ACVR2B: variants seen among roughly 807,000 people sequenced by gnomAD.
ACVR2B encodes activin A receptor type 2B, also known as activin receptor type-2B.
In ACVR2B, 18 loss-of-function variants were observed where a neutral mutation model predicts 65.1. The ratio of observed to expected loss-of-function variants is 0.28; its 90% CI spans 0.19 to 0.41. The LOEUF (loss-of-function observed/expected upper bound fraction) is 0.41. Among genes scored for constraint, ACVR2B ranks in the 10% least tolerant of loss-of-function variants. The pLI, the probability that ACVR2B is intolerant of heterozygous loss-of-function variation, is 1.00. For missense variants in ACVR2B, 482 were observed against 682.7 expected, an observed-to-expected ratio of 0.71 and a Z score of 3.28; for synonymous variants, 298 against 277.7, an observed-to-expected ratio of 1.07 and a Z score of -0.73.
intron 1 of ACVR2B, among the ~76,000 whole-genome samples, chr3:38,460,832 C>T (rs1452137471): frequency 2.0e-5 from 3 of 152,180 alleles, no homozygotes; most frequent in Non-Finnish European, 2.9e-5. Flanking sequence ...GTTCCTCTGC[C>T]GACTATTTCA....
rs1422097495 is a variant in ACVR2B, at chr3:38,484,474, C to G, written c.*1142C>G. The G allele has an allele frequency of 1.2e-4, 18 of 152,214 alleles. No individual in the cohort carries two copies. Among genetic ancestry groups the G allele is most frequent in the Admixed American group, 1.2e-3 (18 of 15,282 alleles). The allele number at this position is 152,214 out of a possible 1,614,324, so 9.4% of individuals were successfully genotyped here. A position where few individuals can be genotyped will look rare whatever the true frequency, so the allele number is the denominator to read the frequency against. ...CAGAGTCCTGCACCTCTGGTTCCGC[C>G]CCAGGTGGTGACATTACTGTCCCCG... On this transcript the variant is annotated 3_prime_UTR_variant, in exon 11 of 11. Coordinates refer to ENST00000352511, the MANE Select transcript of ACVR2B (RefSeq NM_001106.4).
chr3:38,486,752 T>C lies in ACVR2B; in HGVS notation c.*3420T>C, dbSNP rs1288710260. 5 of 152,388 alleles carry C rather than the reference T, an allele frequency of 3.3e-5. No homozygotes were observed. Among genetic ancestry groups the C allele is most frequent in the African/African-American group, 1.2e-4 (5 of 41,580 alleles). 9.4% of individuals were successfully genotyped at this position (152,388 alleles called of 1,614,324 possible). A position where few individuals can be genotyped will look rare whatever the true frequency, so the allele number is the denominator to read the frequency against. On this transcript the variant is annotated 3_prime_UTR_variant, in exon 11 of 11. Transcript: ENST00000352511. ...TGTCATCCAAGCAGGCTCCTGGCTG[T>C]AGGGATGGGCCTTGGGGAAGAATCT... is the stretch of plus-strand genomic sequence containing the variant.
At chr3:38,460,006 G>A (rs9815254) in intron 1 of ACVR2B, among the ~76,000 whole-genome samples, 1 of 152,186 alleles carries the variant, frequency 6.6e-6, no homozygotes, top group South Asian at 2.1e-4. Context: ...TTGCTGCACT[G>A]GGAAGTGATT....
chr3:38,482,423 C>T lies in ACVR2B; in HGVS notation c.1214-7C>T, dbSNP rs1710033950. ...AGTGATCCTGCCAGGCTCTCTCTTT[C>T]TCCTAGGACCCGTGGATGAGTACAT... On this transcript the variant is annotated splice_polypyrimidine_tract_variant and splice_region_variant and intron_variant, in intron 9 of 10. Transcript: ENST00000352511. 1.2e-6 allele frequency: 2 copies of T among 1,612,012 alleles called. No individual in the cohort carries two copies. The highest frequency in any genetic ancestry group is 1.7e-6 in the Non-Finnish European group (2 of 1,179,682).
chr3:38,458,147 C>G (rs1709581510), intron 1 of ACVR2B, among the ~76,000 whole-genome samples: 1 of 152,162 alleles, frequency 6.6e-6, no homozygotes, highest in African/African-American at 2.4e-5. Flanking sequence ...TGGGCCTCTA[C>G]TGTGTACTAC....
chr3:38,462,217 A>G (rs1709660424), intron 1 of ACVR2B, among the ~76,000 whole-genome samples: 1 of 152,110 alleles, frequency 6.6e-6, no homozygotes, highest in Non-Finnish European at 1.5e-5. Context: ...AAATAAACAA[A>G]CAAATAAATA....
chr3:38,459,596 C>T (rs1018357165), intron 1 of ACVR2B: 2 of 985,456 alleles, frequency 2.0e-6, no homozygotes, highest in East Asian at 1.1e-4. Flanking sequence ...CCTGAGTGGA[C>T]CTGCCATGTG....
chr3:38,472,513 T>C (rs768217780), intron 1 of ACVR2B, among the ~76,000 whole-genome samples: 3 of 151,986 alleles, frequency 2.0e-5, no homozygotes, highest in Admixed American at 6.5e-5. Context: ...CAGACCTAGA[T>C]AGATGTAGTG....
Position 38,483,458 on chromosome 3 carries a change from A to T in ACVR2B, c.*126A>T. ...AAAATGCAGCTGCTATTTTACCTTG[A>T]CTTTTTATTATTATTATTATAATTA... is the stretch of plus-strand genomic sequence containing the variant. On this transcript the variant is annotated 3_prime_UTR_variant, in exon 11 of 11. Transcript: ENST00000352511. This position sits in a 1 kb window ranked among gnomAD's most constrained non-coding sequence, Gnocchi z 4.8. 1 of 584,398 alleles carries T rather than the reference A, an allele frequency of 1.7e-6. No individual in the cohort carries two copies. Among genetic ancestry groups the T allele is most frequent in the South Asian group, 2.5e-5 (1 of 40,226 alleles). 36.2% of individuals were successfully genotyped at this position (584,398 alleles called of 1,614,324 possible).
chr3:38,483,822 CCTT>C lies in ACVR2B; in HGVS notation c.*493_*495del, dbSNP rs1710066117. On this transcript the variant is annotated 3_prime_UTR_variant, in exon 11 of 11. Coordinates refer to ENST00000352511, the MANE Select transcript of ACVR2B (RefSeq NM_001106.4). This position sits in a 1 kb window ranked among gnomAD's most constrained non-coding sequence, Gnocchi z 4.8. The stretch of plus-strand genomic sequence containing the variant: ...AAGAGGAGTTTCCTCTGCCCTCTGC[CCTT>C]CTCCCCTGCCTCCCTCCCTCCCCTC... The C allele has an allele frequency of 6.5e-6, 1 of 154,034 alleles. No homozygotes were observed. Among genetic ancestry groups the C allele is most frequent in the African/African-American group, 2.4e-5 (1 of 41,452 alleles). 9.5% of individuals were successfully genotyped at this position (154,034 alleles called of 1,614,324 possible). A position where few individuals can be genotyped will look rare whatever the true frequency, so the allele number is the denominator to read the frequency against.
At chr3:38,473,196 CCTTTGGAGG>C (rs1709849076) in intron 1 of ACVR2B, among the ~76,000 whole-genome samples, 1 of 152,134 alleles carries the variant, frequency 6.6e-6, no homozygotes. Flanking sequence ...ATTTCAGCTT[CCTTTGGAGG>C]CCAGCAGTTG....
At chr3:38,454,485 C>T (rs1709508203) in intron 1 of ACVR2B, 111 bp downstream of exon 1, 5 of 996,586 alleles carry the variant, frequency 5.0e-6, no homozygotes, top group Non-Finnish European at 6.4e-6. Context: ...CGCCGCACCA[C>T]CTGTATTCAG....
rs1472189739 is a variant in ACVR2B at position 38,477,065 on chromosome 3, C to T, written c.53-222C>T. ...TAGGCCTAGGGGCAGCTGTGATGGG[C>T]TGCAGAATGAGGTGGGGGCTGGTGC... On this transcript the variant is annotated intron_variant, in intron 1 of 10. Coordinates refer to ENST00000352511, the MANE Select transcript of ACVR2B (RefSeq NM_001106.4). The surrounding 1 kb of genome is among the most constrained non-coding windows in gnomAD (Gnocchi z 6.7). 1.7e-6 allele frequency: 1 copy of T among 604,614 alleles called. No individual in the cohort carries two copies. Among genetic ancestry groups the T allele is most frequent in the Non-Finnish European group, 2.9e-6 (1 of 339,966 alleles). 37.5% of individuals were successfully genotyped at this position (604,614 alleles called of 1,614,324 possible).
At position 38,481,363 on chromosome 3, in the gene ACVR2B, T is replaced by C; in HGVS notation, c.972T>C (p.Ser324=). 1 of 1,613,972 alleles carries C rather than the reference T, an allele frequency of 6.2e-7. No homozygotes were observed. Among genetic ancestry groups the C allele is most frequent in the South Asian group, 1.1e-5 (1 of 91,086 alleles). The part of the protein sequence containing the change: ...KPSIAHRDFK[S]KNVLLKSDLT... ...CTTGTTTCCACAGGGACTTTAAAAG[T>C]AAGAATGTATTGCTGAAGAGCGACC... The change falls in exon 8 of 11, where the codon AGT becomes AGC. Residue 324 remains serine (S), a synonymous_variant. Coordinates refer to ENST00000352511, the MANE Select transcript of ACVR2B (RefSeq NM_001106.4). The surrounding 1 kb of genome is among the most constrained non-coding windows in gnomAD (Gnocchi z 4.7).
intron 1 of ACVR2B, among the ~76,000 whole-genome samples, chr3:38,463,646 G>T (rs999223358): frequency 5.3e-5 from 8 of 152,140 alleles, no homozygotes; most frequent in African/African-American, 1.2e-4. Flanking sequence ...CACTTGTCAG[G>T]CCCTGCTAAT....
intron 1 of ACVR2B, among the ~76,000 whole-genome samples, chr3:38,463,149 G>A (rs1431074376): frequency 2.0e-5 from 3 of 152,192 alleles, no homozygotes; most frequent in Admixed American, 2.0e-4. Flanking sequence ...CTGTGCTGAT[G>A]AGGGAGGTAG....
At position 38,492,726 on chromosome 3, in the gene ACVR2B, T is replaced by C. The variant is rs1285841998; in HGVS notation, c.*9394T>C. The C allele has an allele frequency of 2.2e-5, 3 of 134,252 alleles. No individual in the cohort carries two copies. The highest frequency in any genetic ancestry group is 3.3e-5 in the Non-Finnish European group (2 of 61,108). The allele number at this position is 134,252 out of a possible 1,614,324, so 8.3% of individuals were successfully genotyped here. ...TGAAAAGTGTGCTGATTTATATATA[T>C]ATATTACACACACACACACACACAC... On this transcript the variant is annotated 3_prime_UTR_variant, in exon 11 of 11. Coordinates refer to ENST00000352511, the MANE Select transcript of ACVR2B (RefSeq NM_001106.4).
intron 1 of ACVR2B, 155 bp downstream of exon 1, chr3:38,454,529 G>GGC: frequency 2.1e-5 from 13 of 623,208 alleles, no homozygotes; most frequent in Non-Finnish European, 2.5e-5. Context: ...TGGGGGCGCG[G>GGC]TGGGCGCCCG....
chr3:38,461,374 C>G (rs1709643787), intron 1 of ACVR2B, among the ~76,000 whole-genome samples: 2 of 152,308 alleles, frequency 1.3e-5, no homozygotes, highest in East Asian at 3.9e-4. Flanking sequence ...CCAGGGCTCA[C>G]ACAAGAGGTC....
Sources: allele counts gnomAD v4.1 joint callset (sites outside exome capture counted in the v4.1 genomes callset), GRCh38; gene constraint gnomAD v4.1.1; non-coding constraint Gnocchi (gnomAD v3.1); transcripts MANE v1.5; gene names NCBI Gene and HGNC (gene_info 2026-07-23, HGNC 2026-07-21).